The following TMC1 variants were observed in gnomAD, a reference collection of about 807,000 sequenced individuals.
TMC1 encodes the protein transmembrane channel like 1.
A neutral mutation model predicts 105.8 loss-of-function variants in TMC1; 84 were observed. The observed-to-expected ratio is 0.79, with a 90% CI of 0.67 to 0.95. The LOEUF (loss-of-function observed/expected upper bound fraction) is 0.95, where lower values mean the gene tolerates loss of function less well. Among genes scored for constraint, TMC1 ranks in the 40% least tolerant of loss-of-function variants. The probability of loss-of-function intolerance (pLI) is 0.00; values close to 1 mark genes in which losing one functional copy is unlikely to be tolerated. For synonymous variants in TMC1, 315 were observed against 311.5 expected (o/e 1.01, Z -0.12); for missense variants, 817 against 914.1 (o/e 0.89, Z 1.37).
rs61062887 is a variant in TMC1, at chr9:72,699,956, CA to C, written c.237-538del. Among the ~76,000 whole-genome samples, 208 of 46,566 alleles carry C rather than the reference CA, an allele frequency of 4.5e-3. 1 individual carries two copies. Among genetic ancestry groups the C allele is most frequent in the East Asian group, 0.041 (75 of 1,840 alleles). 30.5% of individuals were successfully genotyped at this position (46,566 alleles called of 152,430 possible). ...TGGGCAACAGAACGAGACTCTGTCT[CA>C]AAAAAAAAAAAAAAAAAAAAAAAGC... On this transcript the variant is annotated intron_variant, in intron 7 of 23. Transcript: ENST00000297784.
Position 72,618,078 on chromosome 9 carries a change from G to GA in TMC1, c.-196+1602dup. On this transcript the variant is annotated intron_variant, in intron 3 of 23. Coordinates refer to ENST00000297784, the MANE Select transcript of TMC1 (RefSeq NM_138691.3). ...AAGTCTCATTTTGTTACCCAGGCTGGAGTGCAGTCGCTTGATCTCAGCTTA... is the reference window on the plus strand; with the variant it reads ...AAGTCTCATTTTGTTACCCAGGCTGGAAGTGCAGTCGCTTGATCTCAGCTTA... Among the ~76,000 whole-genome samples, 4 of 139,986 alleles carry GA rather than the reference G, an allele frequency of 2.9e-5. No individual in the cohort carries two copies. The East Asian group carries it at 6.5e-4, about 23-fold the overall frequency. 91.8% of individuals were successfully genotyped at this position (139,986 alleles called of 152,430 possible). A position where few individuals can be genotyped will look rare whatever the true frequency, so the allele number is the denominator to read the frequency against.
chr9:72,538,663 T>C (rs566617646), intron 1 of TMC1, among the ~76,000 whole-genome samples: 14 of 152,274 alleles, frequency 9.2e-5, no homozygotes, highest in Admixed American at 7.8e-4. Flanking sequence ...GGTCTTGAAC[T>C]CTTGACCTCA....
At chr9:72,812,320 A>G (rs1220093593) in intron 18 of TMC1, among the ~76,000 whole-genome samples, 1 of 152,218 alleles carries the variant, frequency 6.6e-6, no homozygotes, top group East Asian at 1.9e-4. Flanking sequence ...AGAATGATAA[A>G]GAATCAGGAA....
intron 5 of TMC1, among the ~76,000 whole-genome samples, chr9:72,679,125 A>G (rs1029843872): frequency 2.0e-5 from 3 of 152,074 alleles, no homozygotes; most frequent in African/African-American, 7.2e-5. Context: ...TGCCCCTGCT[A>G]TTCATAAGCA....
At chr9:72,833,929 A>T (rs1356747852) in intron 23 of TMC1, among the ~76,000 whole-genome samples, 1 of 151,440 alleles carries the variant, frequency 6.6e-6, no homozygotes, top group Non-Finnish European at 1.5e-5. Flanking sequence ...TCTTGCATGG[A>T]TCTATTTTTA....
intron 5 of TMC1, among the ~76,000 whole-genome samples, chr9:72,685,601 T>C (rs541330231): frequency 2.8e-4 from 43 of 152,114 alleles, no homozygotes; most frequent in African/African-American, 9.6e-4. Flanking sequence ...TGACCTCAAG[T>C]GATTCATCCA....
Position 72,788,474 on chromosome 9 carries a change from G to T in TMC1, c.1020G>T (p.Met340Ile). Residue 340 changes from methionine (M) to isoleucine (I), a missense_variant, in exon 14 of 24, where the codon ATG (methionine) becomes ATT (isoleucine). Coordinates refer to ENST00000297784, the MANE Select transcript of TMC1 (RefSeq NM_138691.3). ...TADNKFNSIT[M>I]NFKEAITEEK... is the part of the protein sequence containing the mutation. ...ACAACAAATTTAATTCTATCACAAT[G>T]AACTTTAAGGTAGAGGCACCAACTT... The T allele has an allele frequency of 6.2e-7, 1 of 1,613,928 alleles. No individual in the cohort carries two copies. The highest frequency in any genetic ancestry group is 1.1e-5 in the South Asian group (1 of 91,048).
intron 6 of TMC1, among the ~76,000 whole-genome samples, chr9:72,693,158 C>G (rs1444831): frequency 0.22 from 33,448 of 150,256 alleles, 4,001 homozygotes; most frequent in East Asian, 0.38. Flanking sequence ...GTTTTTTACT[C>G]TCTGCTACCT....
intron 18 of TMC1, among the ~76,000 whole-genome samples, chr9:72,811,668 A>T (rs1305533294): frequency 1.3e-5 from 2 of 152,184 alleles, no homozygotes. Flanking sequence ...TAAACTCAGC[A>T]TGGTGTTCAC....
intron 4 of TMC1, among the ~76,000 whole-genome samples, chr9:72,639,218 T>G (rs921502240): frequency 2.6e-5 from 4 of 152,238 alleles, no homozygotes; most frequent in African/African-American, 9.6e-5. Flanking sequence ...GGTGATATTC[T>G]AATGTACTAT....
intron 13 of TMC1, among the ~76,000 whole-genome samples, chr9:72,774,273 C>T (rs984810859): frequency 6.6e-6 from 1 of 152,108 alleles, no homozygotes; most frequent in African/African-American, 2.4e-5. Flanking sequence ...AAGTTTAAAA[C>T]TTCTAGTAGT....
At chr9:72,675,456 G>A (rs1478004411) in intron 5 of TMC1, among the ~76,000 whole-genome samples, 2 of 152,138 alleles carry the variant, frequency 1.3e-5, no homozygotes, top group African/African-American at 4.8e-5. Context: ...GGGAAAAAAA[G>A]GATAATGGTG....
At chr9:72,771,730 C>G (rs1031538309) in intron 12 of TMC1, among the ~76,000 whole-genome samples, 1 of 152,150 alleles carries the variant, frequency 6.6e-6, no homozygotes, top group African/African-American at 2.4e-5. Flanking sequence ...AAGGAAGCAG[C>G]ATCAGAATAT....
intron 1 of TMC1, among the ~76,000 whole-genome samples, chr9:72,536,624 G>T (rs369485200): frequency 6.6e-6 from 1 of 152,112 alleles, no homozygotes; most frequent in East Asian, 1.9e-4. Flanking sequence ...GAGCCACCGC[G>T]CCTGGCCAGA....
chr9:72,828,420 AACAC>A lies in TMC1; in HGVS notation c.2129+1446_2129+1449del, dbSNP rs35308376. 5.3e-5 allele frequency among the ~76,000 whole-genome samples: 8 copies of A among 149,892 alleles called. No homozygotes were observed. In the East Asian group the frequency reaches 5.9e-4, roughly 11 times the overall value. On this transcript the variant is annotated intron_variant, in intron 21 of 23. Coordinates refer to ENST00000297784, the MANE Select transcript of TMC1 (RefSeq NM_138691.3). ...GTGGTATGAATGAGGTGTTGTTTAA[AACAC>A]ACACACACACACACACACAATGTAA...
intron 8 of TMC1, among the ~76,000 whole-genome samples, chr9:72,722,122 C>T (rs1401875302): frequency 3.3e-5 from 5 of 152,148 alleles, no homozygotes; most frequent in African/African-American, 1.2e-4. Flanking sequence ...TACACATCAA[C>T]TCATTTAATC....
chr9:72,675,985 T>C (rs2132172643), intron 5 of TMC1, among the ~76,000 whole-genome samples: 1 of 152,272 alleles, frequency 6.6e-6, no homozygotes, highest in Non-Finnish European at 1.5e-5. Flanking sequence ...GTACCCAAAA[T>C]GACTGCTGGT....
chr9:72,570,218 G>A, intron 1 of TMC1, among the ~76,000 whole-genome samples: 1 of 146,942 alleles, frequency 6.8e-6, no homozygotes, highest in African/African-American at 2.6e-5. Flanking sequence ...AAGGGGGTGG[G>A]GCTCAAAGAG....
chr9:72,567,549 G>A (rs1261276163), intron 1 of TMC1, among the ~76,000 whole-genome samples: 1 of 152,164 alleles, frequency 6.6e-6, no homozygotes, highest in East Asian at 1.9e-4. Context: ...TTCACGGGGT[G>A]GCGGGAGAGA....
Sources: gnomAD v4.1 joint callset for allele counts (sites outside exome capture counted in the v4.1 genomes callset) on GRCh38, gnomAD v4.1.1 for gene constraint, MANE v1.5 for transcripts, NCBI Gene and HGNC (gene_info 2026-07-23, HGNC 2026-07-21) for gene names.